The following LINGO1 variants were observed in gnomAD, a reference collection of about 807,000 sequenced individuals.
LINGO1 encodes leucine rich repeat and Ig domain containing 1.
LINGO1 carries 11 observed loss-of-function variants against 37.3 expected under a neutral mutation model. The observed-to-expected ratio is 0.29, with a 90% CI of 0.19 to 0.49. The LOEUF is 0.49. Ranked by LOEUF, LINGO1 falls within the 20% of genes least tolerant of loss-of-function variation. LINGO1 has a pLI of 0.99. For missense variants in LINGO1, 585 were observed against 878.2 expected (o/e 0.67, Z 4.22); for synonymous variants, 387 against 403.0 (o/e 0.96, Z 0.48).
intron 1 of LINGO1, among the ~76,000 whole-genome samples, chr15:77,625,295 G>A (rs575733419): frequency 6.6e-6 from 1 of 152,304 alleles, no homozygotes; most frequent in South Asian, 2.1e-4. Flanking sequence ...TAAACCCCTC[G>A]TAGGTGGCCT....
At chr15:77,656,982 G>A (rs1292662502) in intron 3 of LINGO1, among the ~76,000 whole-genome samples, 1 of 152,190 alleles carries the variant, frequency 6.6e-6, no homozygotes, top group African/African-American at 2.4e-5. Context: ...TGGCTGAGCT[G>A]CCACAGGACA....
intron 1 of LINGO1, among the ~76,000 whole-genome samples, chr15:77,771,681 A>G (rs1483210336): frequency 6.6e-6 from 1 of 152,206 alleles, no homozygotes; most frequent in Non-Finnish European, 1.5e-5. Flanking sequence ...AAGCTAGGCT[A>G]GGAGGCTGGG....
intron 1 of LINGO1, among the ~76,000 whole-genome samples, chr15:77,756,696 G>A (rs1423685887): frequency 5.3e-5 from 8 of 152,248 alleles, no homozygotes; most frequent in Non-Finnish European, 8.8e-5. Flanking sequence ...TTTCATCGCA[G>A]TGTTAAGAAC....
intron 1 of LINGO1, among the ~76,000 whole-genome samples, chr15:77,624,327 T>C (rs552744387): frequency 1.3e-5 from 2 of 152,100 alleles, no homozygotes; most frequent in Admixed American, 1.3e-4. Context: ...GGAAGCTCCA[T>C]CCTCTCCCAC....
chr15:77,657,967 G>A (rs905243770), intron 3 of LINGO1, among the ~76,000 whole-genome samples: 35 of 152,290 alleles, frequency 2.3e-4, no homozygotes, highest in Admixed American at 2.0e-3. Flanking sequence ...GCCAGTCCCC[G>A]TCTCTGCCGC....
intron 1 of LINGO1, among the ~76,000 whole-genome samples, chr15:77,812,372 A>G (rs1416058000): frequency 6.6e-6 from 1 of 152,212 alleles, no homozygotes; most frequent in Non-Finnish European, 1.5e-5. Context: ...TCTCATTCAA[A>G]GGCAAAGTGT....
intron 1 of LINGO1, among the ~76,000 whole-genome samples, chr15:77,624,276 C>G (rs1192057528): frequency 6.6e-6 from 1 of 151,812 alleles, no homozygotes; most frequent in Non-Finnish European, 1.5e-5. Flanking sequence ...CTCTCCTCCC[C>G]CACTCCCCGG....
At chr15:77,676,966 GC>G (rs1193464417) in intron 3 of LINGO1, 1 of 152,292 alleles carries the variant, frequency 6.6e-6, no homozygotes, top group East Asian at 1.9e-4. Context: ...CCCCACCATG[GC>G]CCCTGGCAGG....
At chr15:77,739,754 C>T (rs66577118) in intron 1 of LINGO1, among the ~76,000 whole-genome samples, 8,458 of 152,302 alleles carry the variant, frequency 0.056, 302 homozygotes, top group Middle Eastern at 0.11. Flanking sequence ...CTGCCAAAGA[C>T]AGCTTTTGTT....
At chr15:77,728,971 G>T (rs899605425) in intron 2 of LINGO1, among the ~76,000 whole-genome samples, 10 of 152,234 alleles carry the variant, frequency 6.6e-5, no homozygotes, top group African/African-American at 2.4e-4. Flanking sequence ...CTGTTTTGAG[G>T]TCTGGACTTG....
At chr15:77,621,369 T>C (rs1371863972) in intron 1 of LINGO1, among the ~76,000 whole-genome samples, 1 of 152,234 alleles carries the variant, frequency 6.6e-6, no homozygotes, top group Non-Finnish European at 1.5e-5. Context: ...TTTGGGGCTT[T>C]ATACCCATTG....
At chr15:77,672,908 C>T (rs189408349) in intron 3 of LINGO1, among the ~76,000 whole-genome samples, 60 of 152,284 alleles carry the variant, frequency 3.9e-4, no homozygotes, top group Middle Eastern at 6.8e-3. Context: ...TCTCAACTTC[C>T]TAAATCTCTC....
chr15:77,614,173 C>G lies in LINGO1; in HGVS notation c.1734G>C (p.Leu578=). ...CCTTGCCCCGGCTCCAGAGAAACAGCAGCACCAGGCAGAAGAGGACGACGC... is the reference window on the plus strand; with the variant it reads ...CCTTGCCCCGGCTCCAGAGAAACAGGAGCACCAGGCAGAAGAGGACGACGC... The part of the protein sequence containing the change: ...FLGVVLFCLV[L]LFLWSRGKGN... Residue 578 remains leucine, a synonymous_variant, in exon 2 of 2, where the codon CTG becomes CTC. Transcript: ENST00000355300. The G allele has an allele frequency of 6.2e-7, 1 of 1,614,038 alleles. No homozygotes were observed. The highest frequency in any genetic ancestry group is 1.1e-5 in the South Asian group (1 of 91,080).
At chr15:77,740,315 C>G (rs1163496157) in intron 1 of LINGO1, among the ~76,000 whole-genome samples, 1 of 152,202 alleles carries the variant, frequency 6.6e-6, no homozygotes, top group African/African-American at 2.4e-5. Flanking sequence ...GAGCCTCTCC[C>G]CTGGTGCTCT....
At chr15:77,778,561 C>T (rs2076684377) in intron 1 of LINGO1, among the ~76,000 whole-genome samples, 1 of 152,214 alleles carries the variant, frequency 6.6e-6, no homozygotes, top group African/African-American at 2.4e-5. Flanking sequence ...TTACTCCCAT[C>T]TTTCCAGCTG....
intron 2 of LINGO1, among the ~76,000 whole-genome samples, chr15:77,722,671 T>G (rs1252368941): frequency 6.6e-6 from 1 of 152,218 alleles, no homozygotes. Context: ...TTTTAAAGGG[T>G]CCTCATCTTT....
At chr15:77,789,622 T>C (rs1306209509), upstream of LINGO1, among the ~76,000 whole-genome samples, 1 of 151,982 alleles carries the variant, frequency 6.6e-6, no homozygotes, top group African/African-American at 2.4e-5. Context: ...AATAAATAAA[T>C]GATTAAATAG....
intron 1 of LINGO1, among the ~76,000 whole-genome samples, chr15:77,738,023 C>G (rs1444687825): frequency 1.3e-5 from 2 of 152,184 alleles, no homozygotes; most frequent in African/African-American, 2.4e-5. Context: ...CTGTCCAAAA[C>G]AGAACTCTTC....
At chr15:77,654,422 A>C (rs16969039) in intron 3 of LINGO1, among the ~76,000 whole-genome samples, 3,593 of 152,228 alleles carry the variant, frequency 0.024, 136 homozygotes, top group African/African-American at 0.083. Context: ...AATCCATCGG[A>C]TGCCAAGACC....
Sources: allele counts gnomAD v4.1 joint callset (sites outside exome capture counted in the v4.1 genomes callset), GRCh38; gene constraint gnomAD v4.1.1; transcripts MANE v1.5; gene names NCBI Gene and HGNC (gene_info 2026-07-23, HGNC 2026-07-21).